The following UGT1A10 variants were observed in gnomAD, a reference collection of about 807,000 sequenced individuals.
UGT1A10 encodes the protein UDP glucuronosyltransferase family 1 member A10, also known as UDP-glucuronosyltransferase 1A10.
A neutral mutation model predicts 45.8 loss-of-function variants in UGT1A10; 49 were observed. That is an observed-to-expected ratio of 1.07 (90% CI 0.85 to 1.36). UGT1A10 has a LOEUF of 1.36. Among genes scored for constraint, UGT1A10 ranks in the 40% most tolerant of loss-of-function variants. UGT1A10 has a pLI of 0.00. For missense variants in UGT1A10, 745 were observed against 668.6 expected (o/e 1.11, Z -1.26); for synonymous variants, 284 against 249.7 (o/e 1.14, Z -1.29).
At chr2:233,664,941 C>G (rs1412393212) in intron 1 of UGT1A10, among the ~76,000 whole-genome samples, 1 of 152,176 alleles carries the variant, frequency 6.6e-6, no homozygotes, top group Admixed American at 6.5e-5. Flanking sequence ...TTTAAAGATA[C>G]TCTTTTTGGG....
In UGT1A10 at chr2:233,684,825, T is replaced by C. The variant is rs995688035; in HGVS notation, c.855+47448T>C. 2.6e-5 allele frequency among the ~76,000 whole-genome samples: 4 copies of C among 152,232 alleles called. No homozygotes were observed. In the East Asian group the frequency reaches 7.7e-4, roughly 29 times the overall value. ...GCTCAACCACAAAAGTAAATTGTCA[T>C]AGAAAAATTTATGGACACTGTATAG... is the stretch of plus-strand genomic sequence containing the variant. On this transcript the variant is annotated intron_variant, in intron 1 of 4. Transcript: ENST00000344644.
At chr2:233,715,843 A>G (rs1265547355) in intron 1 of UGT1A10, among the ~76,000 whole-genome samples, 1 of 152,196 alleles carries the variant, frequency 6.6e-6, no homozygotes, top group Non-Finnish European at 1.5e-5. Context: ...TAAAACTCCA[A>G]TATGAAAAGC....
At chr2:233,743,080 T>G in intron 1 of UGT1A10, 1 of 343,656 alleles carries the variant, frequency 2.9e-6, no homozygotes. Flanking sequence ...TGGCATGAAG[T>G]GTTTATAAAT....
chr2:233,672,310 A>G, intron 1 of UGT1A10: 1 of 1,614,062 alleles, frequency 6.2e-7, no homozygotes. Flanking sequence ...AAATTGCAGG[A>G]GTTTGTTTAA....
chr2:233,683,217 A>G (rs910612705), intron 1 of UGT1A10, among the ~76,000 whole-genome samples: 5 of 152,166 alleles, frequency 3.3e-5, no homozygotes, highest in African/African-American at 1.2e-4. Flanking sequence ...TATTTTATCA[A>G]TATAAAATCT....
chr2:233,669,777 G>A (rs368360684), intron 1 of UGT1A10, among the ~76,000 whole-genome samples: 3 of 151,950 alleles, frequency 2.0e-5, no homozygotes, highest in Admixed American at 6.6e-5. Context: ...TCCGCTTCCC[G>A]GGTTCAAGTG....
At chr2:233,658,770 A>T (rs2073906635) in intron 1 of UGT1A10, among the ~76,000 whole-genome samples, 1 of 152,106 alleles carries the variant, frequency 6.6e-6, no homozygotes, top group African/African-American at 2.4e-5. Context: ...TTTTGTAAAA[A>T]CTTGGTTGTT....
intron 1 of UGT1A10, among the ~76,000 whole-genome samples, chr2:233,711,768 A>T (rs138965845): frequency 6.6e-6 from 1 of 152,336 alleles, no homozygotes; most frequent in Non-Finnish European, 1.5e-5. Context: ...AGAGGAAGTG[A>T]GATAGAAAGT....
intron 1 of UGT1A10, among the ~76,000 whole-genome samples, chr2:233,766,404 G>A (rs990056235): frequency 5.3e-5 from 8 of 152,282 alleles, no homozygotes; most frequent in Non-Finnish European, 1.0e-4. Context: ...GCGTCCCTCC[G>A]CTGATGTGCT....
chr2:233,763,322 A>T (rs767434078), intron 1 of UGT1A10, among the ~76,000 whole-genome samples: 4 of 152,108 alleles, frequency 2.6e-5, no homozygotes, highest in Non-Finnish European at 5.9e-5. Context: ...CTTCTGTATT[A>T]TTTTTGTTTA....
chr2:233,729,290 G>C (rs1376789035), intron 1 of UGT1A10: 3 of 1,614,236 alleles, frequency 1.9e-6, no homozygotes, highest in East Asian at 4.5e-5. Context: ...CATGCCAGAG[G>C]CCACCAGGCA....
At chr2:233,639,244 G>T (rs368292208) in intron 1 of UGT1A10, among the ~76,000 whole-genome samples, 2 of 152,226 alleles carry the variant, frequency 1.3e-5, no homozygotes, top group South Asian at 2.1e-4. Flanking sequence ...ATCTATTAAA[G>T]AATATACACA....
rs1559318512 is a variant in UGT1A10, at chr2:233,637,063, GCA to G, written c.544_545del (p.Gln182ValfsTer11). On this transcript the variant is annotated frameshift_variant, in exon 1 of 5. Transcript: ENST00000344644. LOFTEE classifies it high-confidence loss of function. ...ATTTTGCCACCATCTTGAAGAAGGTGCACAGTGCCCTGCTCCTCTTTCCTATG... is the reference window on the plus strand; with the variant it reads ...ATTTTGCCACCATCTTGAAGAAGGTGCAGTGCCCTGCTCCTCTTTCCTATG... ...GIFCHHLEEG[A>X]QCPAPLSYVP... is the part of the protein sequence containing the mutation. The G allele has an allele frequency of 6.2e-7, 1 of 1,613,944 alleles. No homozygotes were observed. The highest frequency in any genetic ancestry group is 1.7e-5 in the Admixed American group (1 of 60,010).
intron 1 of UGT1A10, chr2:233,682,195 G>A (rs780825518): frequency 8.7e-6 from 14 of 1,614,214 alleles, no homozygotes; most frequent in Non-Finnish European, 1.2e-5. Context: ...TGGAGGATCA[G>A]GACCGGGAGT....
At chr2:233,761,264 T>G in intron 1 of UGT1A10, 1 of 1,597,186 alleles carries the variant, frequency 6.3e-7, no homozygotes, top group Non-Finnish European at 8.5e-7. Flanking sequence ...TAATTTAAAA[T>G]GCCCTCTTTT....
intron 1 of UGT1A10, chr2:233,717,721 G>A: frequency 2.2e-6 from 1 of 454,902 alleles, no homozygotes; most frequent in South Asian, 1.6e-5. Context: ...TCATGGGCAT[G>A]AGACCATTGT....
chr2:233,682,772 C>T, intron 1 of UGT1A10: 1 of 1,613,256 alleles, frequency 6.2e-7, no homozygotes, highest in Admixed American at 1.7e-5. Flanking sequence ...CAACTGTCAT[C>T]AGGGAAAGCC....
intron 1 of UGT1A10, chr2:233,693,715 C>T: frequency 6.2e-7 from 1 of 1,614,182 alleles, no homozygotes; most frequent in Non-Finnish European, 8.5e-7. Context: ...CAGCTGTCCT[C>T]AAGAGAGATG....
intron 1 of UGT1A10, among the ~76,000 whole-genome samples, chr2:233,667,910 A>T (rs1157192437): frequency 1.3e-5 from 2 of 152,216 alleles, no homozygotes; most frequent in Non-Finnish European, 2.9e-5. Flanking sequence ...GTGGAGAAAT[A>T]GGAACACTTT....
Sources: gnomAD v4.1 joint callset for allele counts (sites outside exome capture counted in the v4.1 genomes callset) on GRCh38, gnomAD v4.1.1 for gene constraint, MANE v1.5 for transcripts, NCBI Gene and HGNC (gene_info 2026-07-23, HGNC 2026-07-21) for gene names.